Variants in ADGRB3 observed in about 807,000 individuals in gnomAD.
ADGRB3 encodes adhesion G protein-coupled receptor B3.
A neutral mutation model predicts 193.4 loss-of-function variants in ADGRB3; 37 were observed. The observed-to-expected ratio is 0.19, with a 90% CI of 0.15 to 0.25. ADGRB3 has a LOEUF of 0.25. Ranked by LOEUF, ADGRB3 falls within the 10% of genes least tolerant of loss-of-function variation. ADGRB3 has a pLI of 1.00. For missense variants in ADGRB3, 1,637 were observed against 1,852.9 expected, an observed-to-expected ratio of 0.88 and a Z score of 2.14; for synonymous variants, 690 against 644.2, an observed-to-expected ratio of 1.07 and a Z score of -1.08.
Position 68,677,310 on chromosome 6 carries a change from A to G in ADGRB3, c.757+37878A>G, listed in dbSNP as rs534104023. Among the ~76,000 whole-genome samples, 6 of 152,208 alleles carry G rather than the reference A, an allele frequency of 3.9e-5. No individual in the cohort carries two copies. The South Asian group carries it at 1.2e-3, about 32-fold the overall frequency. ...GTGCATTTATACTGGCTCTGGTTCA[A>G]TGCAAATCTTTGATAACTTAGTTTT... On this transcript the variant is annotated intron_variant, in intron 3 of 31. Transcript: ENST00000370598.
At chr6:69,206,576 G>A (rs549072337) in intron 17 of ADGRB3, among the ~76,000 whole-genome samples, 11 of 152,094 alleles carry the variant, frequency 7.2e-5, no homozygotes, top group African/African-American at 2.2e-4. Flanking sequence ...ACTATCCTTC[G>A]TACAACCAGA....
intron 3 of ADGRB3, among the ~76,000 whole-genome samples, chr6:68,819,676 ACTT>A (rs1210127580): frequency 5.9e-5 from 9 of 152,184 alleles, no homozygotes; most frequent in Middle Eastern, 3.4e-3. Flanking sequence ...ATGGAAATGT[ACTT>A]CTTCTTTTAT....
chr6:68,971,850 T>C (rs1768580887), intron 8 of ADGRB3, among the ~76,000 whole-genome samples: 1 of 152,248 alleles, frequency 6.6e-6, no homozygotes, highest in Non-Finnish European at 1.5e-5. Flanking sequence ...ACGAGTTTCA[T>C]AGCAGTACCT....
At chr6:69,338,481 T>C (rs1296764674) in intron 24 of ADGRB3, among the ~76,000 whole-genome samples, 2 of 152,230 alleles carry the variant, frequency 1.3e-5, no homozygotes, top group Non-Finnish European at 2.9e-5. Context: ...ACTTCTGAGA[T>C]AATTATTTAC....
At chr6:68,850,995 A>G (rs1021576745) in intron 3 of ADGRB3, among the ~76,000 whole-genome samples, 1 of 151,970 alleles carries the variant, frequency 6.6e-6, no homozygotes, top group Non-Finnish European at 1.5e-5. Flanking sequence ...GTGTTATTTA[A>G]TAATATGAAA....
intron 24 of ADGRB3, among the ~76,000 whole-genome samples, chr6:69,337,561 A>T (rs1211240563): frequency 1.3e-5 from 2 of 152,182 alleles, no homozygotes; most frequent in Non-Finnish European, 2.9e-5. Context: ...TTCCTAAACT[A>T]AACTGGATAG....
intron 3 of ADGRB3, among the ~76,000 whole-genome samples, chr6:68,799,659 G>A (rs745733595): frequency 3.3e-5 from 5 of 152,108 alleles, no homozygotes; most frequent in Non-Finnish European, 7.4e-5. Flanking sequence ...GGTGGTGTGA[G>A]GTGCTATGGA....
At chr6:68,975,890 A>C (rs1042310310) in intron 10 of ADGRB3, among the ~76,000 whole-genome samples, 1 of 152,144 alleles carries the variant, frequency 6.6e-6, no homozygotes, top group African/African-American at 2.4e-5. Flanking sequence ...CCCACATATC[A>C]TTGACTTATT....
chr6:69,208,246 C>G (rs1765580930), intron 17 of ADGRB3, among the ~76,000 whole-genome samples: 1 of 152,182 alleles, frequency 6.6e-6, no homozygotes, highest in Non-Finnish European at 1.5e-5. Context: ...TATCAAAATC[C>G]TCCTCTGCTG....
chr6:69,064,911 T>C (rs1260216259), intron 16 of ADGRB3, among the ~76,000 whole-genome samples: 1 of 152,162 alleles, frequency 6.6e-6, no homozygotes, highest in Non-Finnish European at 1.5e-5. Context: ...GCTTTGAGTC[T>C]GTCTTTTATG....
intron 27 of ADGRB3, 147 bp downstream of exon 27, chr6:69,354,475 A>C: frequency 1.5e-6 from 1 of 671,396 alleles, no homozygotes; most frequent in Non-Finnish European, 2.6e-6. Context: ...CTGGTACCAC[A>C]GAAGTATTAT....
intron 10 of ADGRB3, among the ~76,000 whole-genome samples, chr6:68,979,849 C>G (rs74564031): frequency 0.075 from 11,283 of 151,358 alleles, 872 homozygotes; most frequent in Middle Eastern, 0.21. Context: ...TTCTCTTTCT[C>G]TCTCTCTTCT....
chr6:69,127,496 A>G (rs1773883873), intron 17 of ADGRB3, among the ~76,000 whole-genome samples: 1 of 152,286 alleles, frequency 6.6e-6, no homozygotes, highest in East Asian at 1.9e-4. Flanking sequence ...TTTAGCTTCA[A>G]TTCCGATTTC....
At chr6:68,789,491 C>A (rs1582203640) in intron 3 of ADGRB3, among the ~76,000 whole-genome samples, 1 of 152,378 alleles carries the variant, frequency 6.6e-6, no homozygotes, top group South Asian at 2.1e-4. Flanking sequence ...TCCCCACACT[C>A]TTCTGGCTTG....
At chr6:69,065,174 G>C (rs1320106188) in intron 16 of ADGRB3, among the ~76,000 whole-genome samples, 1 of 152,112 alleles carries the variant, frequency 6.6e-6, no homozygotes, top group African/African-American at 2.4e-5. Flanking sequence ...CTCCACTCTA[G>C]AAAGCCCATG....
intron 17 of ADGRB3, among the ~76,000 whole-genome samples, chr6:69,204,853 C>T (rs1467818416): frequency 6.6e-6 from 1 of 151,642 alleles, no homozygotes; most frequent in African/African-American, 2.4e-5. Context: ...TTTTATAACC[C>T]CAATATGAGT....
chr6:68,795,790 T>A (rs1767195915), intron 3 of ADGRB3, among the ~76,000 whole-genome samples: 1 of 152,180 alleles, frequency 6.6e-6, no homozygotes, highest in Non-Finnish European at 1.5e-5. Context: ...TGTACTTTTG[T>A]CAGATTTTGA....
intron 3 of ADGRB3, among the ~76,000 whole-genome samples, chr6:68,876,112 A>T (rs1450146762): frequency 6.6e-6 from 1 of 152,192 alleles, no homozygotes; most frequent in African/African-American, 2.4e-5. Context: ...CAATCAATAA[A>T]TATGTATTAA....
rs201940510 is a variant in ADGRB3 at position 69,031,024 on chromosome 6, TTC to T, written c.2107+12526_2107+12527del. ...TCCTTTCTTTTCTTTTCTTTTTTTT[TTC>T]CTCTTCTCTTCTCTCTTCTCTTCTC... On this transcript the variant is annotated intron_variant, in intron 13 of 31. Transcript: ENST00000370598. Among the ~76,000 whole-genome samples the T allele has an allele frequency of 6.4e-3, 544 of 84,624 alleles. 51 individuals are homozygous for T. The highest frequency in any genetic ancestry group is 0.013 in the Middle Eastern group (2 of 154). The allele number at this position is 84,624 out of a possible 152,430, so 55.5% of individuals were successfully genotyped here.
Sources: allele counts gnomAD v4.1 joint callset (sites outside exome capture counted in the v4.1 genomes callset), GRCh38; gene constraint gnomAD v4.1.1; transcripts MANE v1.5; gene names NCBI Gene and HGNC (gene_info 2026-07-23, HGNC 2026-07-21).